Variants in SGCZ observed in about 807,000 individuals in gnomAD.
SGCZ encodes the protein zeta-sarcoglycan.
In SGCZ, 40 loss-of-function variants were observed where a neutral mutation model predicts 41.3. The ratio of observed to expected loss-of-function variants is 0.97; its 90% CI spans 0.75 to 1.26. SGCZ has a LOEUF of 1.26. Among genes scored for constraint, SGCZ ranks in the 50% most tolerant of loss-of-function variants. SGCZ has a pLI of 0.00. For synonymous variants in SGCZ, 206 were observed against 137.5 expected (o/e 1.50, Z -3.49); for missense variants, 552 against 369.8 (o/e 1.49, Z -4.04).
At chr8:14,513,879 T>C (rs1802535721) in intron 2 of SGCZ, among the ~76,000 whole-genome samples, 1 of 152,204 alleles carries the variant, frequency 6.6e-6, no homozygotes, top group South Asian at 2.1e-4. Flanking sequence ...TGCATTTTTT[T>C]TGGGGGACAA....
rs576158229 is a variant in SGCZ at position 14,672,366 on chromosome 8, G to A, written c.40-117440C>T. Among the ~76,000 whole-genome samples the A allele has an allele frequency of 3.3e-5, 5 of 152,220 alleles. No individual in the cohort carries two copies. In the East Asian group the frequency reaches 7.7e-4, roughly 23 times the overall value. On this transcript the variant is annotated intron_variant, in intron 1 of 7. Transcript: ENST00000382080. The stretch of plus-strand genomic sequence containing the variant: ...ATATTTGCTGATTGGTCAGATGTGC[G>A]ATTTTAAGAATATTCTTGCAAGAAA...
chr8:14,516,292 C>T (rs924069574), intron 2 of SGCZ, among the ~76,000 whole-genome samples: 8 of 151,792 alleles, frequency 5.3e-5, no homozygotes, highest in African/African-American at 1.2e-4. Context: ...GCTCCTCTTC[C>T]TCCTCCCACC....
At chr8:14,638,633 C>T (rs973478348) in intron 1 of SGCZ, among the ~76,000 whole-genome samples, 1 of 151,748 alleles carries the variant, frequency 6.6e-6, no homozygotes, top group Non-Finnish European at 1.5e-5. Context: ...ATGAGAATCT[C>T]CTTTTCTCAG....
rs1800150987 is a variant in SGCZ, at chr8:15,180,795, G to T, written c.39+56790C>A. Among the ~76,000 whole-genome samples the T allele has an allele frequency of 2.6e-5, 4 of 151,794 alleles. No individual in the cohort carries two copies. The East Asian group carries it at 5.8e-4, about 22-fold the overall frequency. On this transcript the variant is annotated intron_variant, in intron 1 of 7. Transcript: ENST00000382080. ...CCAGCTACTCAGGAGGCTGAGGCAG[G>T]AGAATGGCATGAACCCAGGAGGCAG... is the stretch of plus-strand genomic sequence containing the variant.
At chr8:14,851,080 G>A (rs1192639398) in intron 1 of SGCZ, among the ~76,000 whole-genome samples, 1 of 152,076 alleles carries the variant, frequency 6.6e-6, no homozygotes, top group East Asian at 1.9e-4. Flanking sequence ...TTTAAAGAAT[G>A]TATTCAAGGC....
intron 3 of SGCZ, among the ~76,000 whole-genome samples, chr8:14,278,479 A>G (rs1268300441): frequency 6.6e-6 from 1 of 152,178 alleles, no homozygotes; most frequent in Non-Finnish European, 1.5e-5. Flanking sequence ...GTATGCAGAG[A>G]AGCCATGTTG....
rs976953570 is a variant in SGCZ at position 14,719,994 on chromosome 8, A to T, written c.40-165068T>A. Among the ~76,000 whole-genome samples the T allele has an allele frequency of 2.0e-5, 3 of 151,986 alleles. 1 individual carries two copies. The South Asian group carries it at 6.2e-4, about 32-fold the overall frequency. On this transcript the variant is annotated intron_variant, in intron 1 of 7. Coordinates refer to ENST00000382080, the MANE Select transcript of SGCZ (RefSeq NM_139167.4). ...AGGGTTTTTAAGGTTTTAGGTCTAA[A>T]GTTTACGTCTTTAATCCATCTTGAA...
intron 1 of SGCZ, among the ~76,000 whole-genome samples, chr8:14,709,749 T>C (rs1210350504): frequency 6.6e-6 from 1 of 152,022 alleles, no homozygotes; most frequent in Admixed American, 6.6e-5. Flanking sequence ...GCTAGAACCA[T>C]CCATTCTGGT....
At chr8:14,384,277 C>A (rs1393901079) in intron 2 of SGCZ, among the ~76,000 whole-genome samples, 1 of 152,016 alleles carries the variant, frequency 6.6e-6, no homozygotes, top group Non-Finnish European at 1.5e-5. Context: ...CATCCATGTC[C>A]CTACAAAGGA....
chr8:14,743,918 T>C (rs948391586), intron 1 of SGCZ, among the ~76,000 whole-genome samples: 8 of 152,078 alleles, frequency 5.3e-5, no homozygotes, highest in African/African-American at 1.9e-4. Flanking sequence ...TGTATTTTAT[T>C]CTGGGGATCC....
chr8:14,454,013 A>G (rs1011597246), intron 2 of SGCZ, among the ~76,000 whole-genome samples: 2 of 152,186 alleles, frequency 1.3e-5, no homozygotes, highest in African/African-American at 4.8e-5. Context: ...AATTGTTTTT[A>G]ATGAATCTTT....
intron 2 of SGCZ, among the ~76,000 whole-genome samples, chr8:14,498,598 A>G (rs1394443047): frequency 6.6e-6 from 1 of 152,014 alleles, no homozygotes; most frequent in Non-Finnish European, 1.5e-5. Flanking sequence ...CTTAAATATT[A>G]TTCACTTATT....
At chr8:14,638,921 G>A (rs769351002) in intron 1 of SGCZ, among the ~76,000 whole-genome samples, 29 of 151,730 alleles carry the variant, frequency 1.9e-4, no homozygotes, top group Non-Finnish European at 3.5e-4. Context: ...GAATGAATAC[G>A]TCATATGTAA....
At chr8:14,190,014 CTTT>C (rs71304966) in intron 4 of SGCZ, among the ~76,000 whole-genome samples, 6 of 100,202 alleles carry the variant, frequency 6.0e-5, no homozygotes, top group Admixed American at 2.7e-4. Flanking sequence ...TTCTTTCTTT[CTTT>C]TTTTTTTTTT....
At chr8:14,859,004 A>G (rs1437551533) in intron 1 of SGCZ, among the ~76,000 whole-genome samples, 1 of 152,130 alleles carries the variant, frequency 6.6e-6, no homozygotes, top group Non-Finnish European at 1.5e-5. Flanking sequence ...AAGACCTAAT[A>G]TTCATATCTG....
In SGCZ at chr8:14,325,889, G is replaced by A. The variant is rs558115423; in HGVS notation, c.235-1685C>T. On this transcript the variant is annotated intron_variant, in intron 2 of 7. Coordinates refer to ENST00000382080, the MANE Select transcript of SGCZ (RefSeq NM_139167.4). ...GTACTTCGGAACGTAGAGGCGGGCG[G>A]ATCACGACGTCAGGAGATCAAGACC... Among the ~76,000 whole-genome samples the A allele has an allele frequency of 4.8e-5, 7 of 146,822 alleles. No homozygotes were observed. The South Asian group carries it at 1.1e-3, about 22-fold the overall frequency.
chr8:14,964,570 TAG>T (rs1233618998), intron 1 of SGCZ, among the ~76,000 whole-genome samples: 1 of 152,022 alleles, frequency 6.6e-6, no homozygotes, highest in Non-Finnish European at 1.5e-5. Context: ...CAGGATGGGG[TAG>T]AGAGAATATT....
At chr8:14,836,937 AAATTAG>A (rs1802720854) in intron 1 of SGCZ, among the ~76,000 whole-genome samples, 1 of 152,216 alleles carries the variant, frequency 6.6e-6, no homozygotes, top group South Asian at 2.1e-4. Context: ...GTCCAGCTTT[AAATTAG>A]AATATCATTC....
chr8:14,454,940 G>A (rs1298015776), intron 2 of SGCZ, among the ~76,000 whole-genome samples: 1 of 152,052 alleles, frequency 6.6e-6, no homozygotes, highest in African/African-American at 2.4e-5. Context: ...AGAAGAGATG[G>A]GTAGATTTGT....
Sources: gnomAD v4.1 joint callset for allele counts (sites outside exome capture counted in the v4.1 genomes callset) on GRCh38, gnomAD v4.1.1 for gene constraint, MANE v1.5 for transcripts, NCBI Gene and HGNC (gene_info 2026-07-23, HGNC 2026-07-21) for gene names.